Variants in INTS13 observed in about 807,000 individuals in gnomAD.
INTS13 encodes asunder, spermatogenesis regulator homolog (Drosphila).
Under a neutral mutation model 90.2 loss-of-function variants are expected in INTS13, and 35 were observed. That is an observed-to-expected ratio of 0.39 (90% CI 0.30 to 0.51). The LOEUF is 0.51. Among genes scored for constraint, INTS13 ranks in the 20% least tolerant of loss-of-function variants. The probability of loss-of-function intolerance (pLI) is 0.80; values close to 1 mark genes in which losing one functional copy is unlikely to be tolerated. For missense variants in INTS13, 601 were observed against 851.2 expected, an observed-to-expected ratio of 0.71 and a Z score of 3.66; for synonymous variants, 309 against 277.1, an observed-to-expected ratio of 1.11 and a Z score of -1.14.
chr12:26,934,656 G>C lies in INTS13; in HGVS notation c.226-26C>G, dbSNP rs756847234. 2.0e-6 allele frequency: 3 copies of C among 1,509,772 alleles called. No individual in the cohort carries two copies. In the South Asian group the frequency reaches 3.4e-5, roughly 17 times the overall value. 93.5% of individuals were successfully genotyped at this position (1,509,772 alleles called of 1,614,324 possible). On this transcript the variant is annotated intron_variant, in intron 2 of 16. Coordinates refer to ENST00000261191, the MANE Select transcript of INTS13 (RefSeq NM_018164.3). ...CTAATAGATTCCAAAGAAACAATTA[G>C]TATTCAACTCTAATTTCACTCAATC...
chr12:26,909,027 TAC>T (rs1329989748), intron 15 of INTS13, among the ~76,000 whole-genome samples: 1 of 152,210 alleles, frequency 6.6e-6, no homozygotes, highest in African/African-American at 2.4e-5. Context: ...AAAACTTATT[TAC>T]ACATTCATTC....
intron 8 of INTS13, among the ~76,000 whole-genome samples, 155 bp from the exon 9 acceptor site, chr12:26,917,888 C>T (rs1714917881): frequency 6.6e-6 from 1 of 152,142 alleles, no homozygotes; most frequent in Admixed American, 6.5e-5. Context: ...CTTTGGGAGG[C>T]TGAGGCAGGT....
intron 7 of INTS13, 43 bp downstream of exon 7, chr12:26,924,311 AG>A (rs1937744878): frequency 6.3e-7 from 1 of 1,598,430 alleles, no homozygotes; most frequent in African/African-American, 1.3e-5. Flanking sequence ...ATATTTAAAA[AG>A]CAAAGCAGTG....
chr12:26,920,685 G>A (rs1323447520), intron 8 of INTS13, among the ~76,000 whole-genome samples: 5 of 151,978 alleles, frequency 3.3e-5, no homozygotes, highest in Admixed American at 6.6e-5. Flanking sequence ...GAGCCACTGC[G>A]CCTGGCCCAT....
intron 14 of INTS13, 27 bp downstream of exon 14, chr12:26,913,430 G>A: frequency 6.4e-7 from 1 of 1,558,740 alleles, no homozygotes; most frequent in Non-Finnish European, 8.8e-7. Flanking sequence ...AAGGCACCAT[G>A]GTGCTATATC....
intron 8 of INTS13, chr12:26,919,064 G>A (rs1228344725): frequency 1.3e-5 from 5 of 392,540 alleles, no homozygotes; most frequent in South Asian, 7.5e-5. Flanking sequence ...TACTCCGGAG[G>A]CTGAGGTGGA....
chr12:26,928,164 T>A (rs16931479), intron 5 of INTS13, 41 bp downstream of exon 5: 1 of 1,387,430 alleles, frequency 7.2e-7, no homozygotes, highest in African/African-American at 1.4e-5. Flanking sequence ...CATATATCTA[T>A]CCACATGAAC....
Position 26,928,795 on chromosome 12 carries a change from A to G in INTS13, c.411T>C (p.Thr137=). The change falls in exon 4 of 17, where the codon ACT becomes ACC. Residue 137 remains threonine, a synonymous_variant. Transcript: ENST00000261191. ...GAGTACGAGCCTCATGTTGGTATTC[A>G]GTAATTTTGCAGAGAGTTTCCACTG... The part of the protein sequence containing the change: ...VAAVETLCKI[T]EYQHEARTLL... 1.2e-6 allele frequency: 2 copies of G among 1,614,198 alleles called. No individual in the cohort carries two copies. Among genetic ancestry groups the G allele is most frequent in the South Asian group, 2.2e-5 (2 of 91,090 alleles).
chr12:26,934,495 T>A (rs536559606), intron 3 of INTS13, 61 bp downstream of exon 3: 174 of 1,222,688 alleles, frequency 1.4e-4, no homozygotes, highest in Admixed American at 1.0e-3. Context: ...GTCATTTTTT[T>A]AAAAAGTATT....
intron 3 of INTS13, among the ~76,000 whole-genome samples, chr12:26,933,118 T>G (rs1938287123): frequency 6.6e-6 from 1 of 152,140 alleles, no homozygotes; most frequent in African/African-American, 2.4e-5. Flanking sequence ...TCAAAGTTCT[T>G]GGAAATTAAA....
intron 14 of INTS13, among the ~76,000 whole-genome samples, chr12:26,912,591 T>C (rs1345376246): frequency 6.6e-6 from 1 of 152,190 alleles, no homozygotes; most frequent in East Asian, 1.9e-4. Context: ...GCTGACATCA[T>C]AATATAAATC....
intron 8 of INTS13, among the ~76,000 whole-genome samples, chr12:26,919,644 G>A (rs1042834875): frequency 4.0e-5 from 6 of 149,700 alleles, no homozygotes; most frequent in South Asian, 2.1e-4. Flanking sequence ...AAAATGTGAT[G>A]ATGGATTAGA....
chr12:26,919,872 G>A (rs933602217), intron 8 of INTS13, among the ~76,000 whole-genome samples: 6 of 152,260 alleles, frequency 3.9e-5, no homozygotes, highest in African/African-American at 1.2e-4. Context: ...ACTCACACCT[G>A]TAATCCCAGC....
At chr12:26,912,668 G>C (rs147232634) in intron 14 of INTS13, among the ~76,000 whole-genome samples, 3 of 151,808 alleles carry the variant, frequency 2.0e-5, no homozygotes, top group Non-Finnish European at 4.4e-5. Flanking sequence ...CCCTTCTTCT[G>C]TGCTTCCAAG....
chr12:26,906,294 A>T lies in INTS13; in HGVS notation c.2081+8T>A, dbSNP rs779298735. On this transcript the variant is annotated splice_region_variant and intron_variant, in intron 16 of 16. Transcript: ENST00000261191. ...ACAAAACCAATTTTGACAATAAGTA[A>T]CACAAACCCATTTTCCTCTTTAAGA... 2.5e-6 allele frequency: 4 copies of T among 1,596,866 alleles called. No individual in the cohort carries two copies. Among genetic ancestry groups the T allele is most frequent in the Non-Finnish European group, 3.4e-6 (4 of 1,172,230 alleles).
intron 2 of INTS13, 85 bp from the exon 3 acceptor site, chr12:26,934,715 A>G (rs1565839085): frequency 1.1e-6 from 1 of 943,784 alleles, no homozygotes; most frequent in East Asian, 2.4e-5. Flanking sequence ...GCAATTTGTA[A>G]CACTGTTTCA....
Position 26,924,464 on chromosome 12 carries a change from C to A in INTS13, c.695G>T (p.Ser232Ile). ...SKKELSPVLT[S>I]EVHSVRAGRH... ...TCCTGCACGAACACTATGAACTTCA[C>A]TGGTTAAAACCGGGGACAACTACAG... Residue 232 changes from serine to isoleucine, a missense_variant, in exon 7 of 17, where the codon AGT (serine) becomes ATT (isoleucine). Transcript: ENST00000261191. The A allele has an allele frequency of 1.2e-6, 2 of 1,606,648 alleles. No individual in the cohort carries two copies. The highest frequency in any genetic ancestry group is 1.7e-6 in the Non-Finnish European group (2 of 1,176,162).
intron 1 of INTS13, among the ~76,000 whole-genome samples, chr12:26,937,381 G>A (rs1257265584): frequency 6.6e-6 from 1 of 152,116 alleles, no homozygotes; most frequent in Non-Finnish European, 1.5e-5. Flanking sequence ...CTTAGGATAA[G>A]GACCCCAACT....
intron 10 of INTS13, among the ~76,000 whole-genome samples, 176 bp from the exon 11 acceptor site, chr12:26,916,356 C>T (rs1023239421): frequency 1.3e-5 from 2 of 152,176 alleles, no homozygotes; most frequent in African/African-American, 2.4e-5. Flanking sequence ...CTAGCCTTAA[C>T]TTTATCTCAG....
Sources: gnomAD v4.1 joint callset for allele counts (sites outside exome capture counted in the v4.1 genomes callset) on GRCh38, gnomAD v4.1.1 for gene constraint, MANE v1.5 for transcripts, NCBI Gene and HGNC (gene_info 2026-07-23, HGNC 2026-07-21) for gene names.